Variants in C1QTNF5 observed in about 807,000 individuals in gnomAD.
The protein encoded by C1QTNF5 is C1q and TNF related 5.
In C1QTNF5, 5 loss-of-function variants were observed where a neutral mutation model predicts 10.9. The ratio of observed to expected loss-of-function variants is 0.46; its 90% CI spans 0.24 to 0.97. The LOEUF (loss-of-function observed/expected upper bound fraction) is 0.97, where lower values mean the gene tolerates loss of function less well. Ranked by LOEUF, C1QTNF5 falls within the 50% of genes least tolerant of loss-of-function variation. The pLI, the probability that C1QTNF5 is intolerant of heterozygous loss-of-function variation, is 0.19. For synonymous variants in C1QTNF5, 161 were observed against 156.5 expected (o/e 1.03, Z -0.22); for missense variants, 281 against 339.4 (o/e 0.83, Z 1.35).
chr11:119,343,944 C>T (rs760718997), upstream of C1QTNF5: 34 of 1,613,076 alleles, frequency 2.1e-5, no homozygotes, highest in South Asian at 8.8e-5. Flanking sequence ...CGGCAGGCAC[C>T]GAGATATGCC....
chr11:119,343,103 A>C (rs988896971), upstream of C1QTNF5: 6 of 1,431,682 alleles, frequency 4.2e-6, no homozygotes, highest in Admixed American at 5.9e-5. Context: ...GCCCTGGATG[A>C]TGCCAAAGGT....
chr11:119,345,568 G>A (rs201553042), upstream of C1QTNF5: 160 of 1,613,908 alleles, frequency 9.9e-5, no homozygotes, highest in Non-Finnish European at 1.3e-4. Flanking sequence ...GTGTTGGGGG[G>A]GTAAGGGTCT....
Position 119,340,420 on chromosome 11 carries a change from A to G in C1QTNF5, c.-23T>C. The G allele has an allele frequency of 6.5e-7, 1 of 1,540,140 alleles. No individual in the cohort carries two copies. Among genetic ancestry groups the G allele is most frequent in the South Asian group, 1.2e-5 (1 of 83,682 alleles). On this transcript the variant is annotated 5_prime_UTR_variant, in exon 2 of 3. Coordinates refer to ENST00000528368, the MANE Select transcript of C1QTNF5 (RefSeq NM_001278431.2). ...CATAGCGCTGGCACCGGGAGCCCGGACGCCGGGGTCCTCTCGCAGTCTGTG... is the reference window on the plus strand; with the variant it reads ...CATAGCGCTGGCACCGGGAGCCCGGGCGCCGGGGTCCTCTCGCAGTCTGTG...
upstream of C1QTNF5, chr11:119,344,008 G>A: frequency 1.9e-6 from 3 of 1,607,660 alleles, no homozygotes; most frequent in Non-Finnish European, 2.5e-6. Flanking sequence ...CCCTTCTCCT[G>A]TCTCATCCCG....
chr11:119,344,775 G>T (rs373494153), upstream of C1QTNF5: 20 of 1,613,910 alleles, frequency 1.2e-5, no homozygotes, highest in Non-Finnish European at 1.7e-5. Context: ...TGGGCACCAG[G>T]AGTCAGGGAG....
chr11:119,342,795 T>C, upstream of C1QTNF5: 1 of 1,613,090 alleles, frequency 6.2e-7, no homozygotes, highest in Admixed American at 1.7e-5. Context: ...CAGAGTGTCC[T>C]GACCAGGGTC....
chr11:119,344,955 G>A (rs1486245948), upstream of C1QTNF5: 2 of 1,610,008 alleles, frequency 1.2e-6, no homozygotes, highest in Non-Finnish European at 1.7e-6. Flanking sequence ...ACCACCAGGA[G>A]GTGGCTGGCA....
chr11:119,345,523 G>T, upstream of C1QTNF5: 1 of 1,614,052 alleles, frequency 6.2e-7, no homozygotes. Context: ...TGTATTGCAT[G>T]GTCTGTGGCC....
chr11:119,341,947 G>A (rs369711800), upstream of C1QTNF5: 13 of 1,613,934 alleles, frequency 8.1e-6, no homozygotes, highest in South Asian at 8.8e-5. Flanking sequence ...AGCTCAGACC[G>A]AGGCACATCT....
chr11:119,339,553 C>T lies in C1QTNF5; in HGVS notation c.510G>A (p.Lys170=), dbSNP rs1950474937. The T allele has an allele frequency of 3.7e-6, 6 of 1,613,558 alleles. No homozygotes were observed. The highest frequency in any genetic ancestry group is 5.1e-6 in the Non-Finnish European group (6 of 1,180,048). ...AGAAAGAGGCAATGGATTCGCCATT[C>T]TTCACCAGATCAAACTGCAGGCTGG... ...YRASLQFDLV[K]NGESIASFFQ... Residue 170 remains lysine (K), a synonymous_variant, in exon 3 of 3, where the codon AAG becomes AAA. Coordinates refer to ENST00000528368, the MANE Select transcript of C1QTNF5 (RefSeq NM_001278431.2). The surrounding 1 kb of genome is among the most constrained non-coding windows in gnomAD (Gnocchi z 5.4).
chr11:119,341,298 G>C, upstream of C1QTNF5: 2 of 556,808 alleles, frequency 3.6e-6, no homozygotes, highest in South Asian at 4.6e-5. Flanking sequence ...TGGATGGGAA[G>C]TGGTCTCGAT....
Position 119,340,398 on chromosome 11 carries a change from A to T in C1QTNF5, c.-1T>A. ...GCAGCAGGACGAGGAGTGGCCTCAT[A>T]GCGCTGGCACCGGGAGCCCGGACGC... On this transcript the variant is annotated 5_prime_UTR_variant, in exon 2 of 3. Transcript: ENST00000528368. The T allele has an allele frequency of 6.5e-7, 1 of 1,544,646 alleles. No individual in the cohort carries two copies. Among genetic ancestry groups the T allele is most frequent in the East Asian group, 2.5e-5 (1 of 40,746 alleles).
At chr11:119,344,094 AGG>A, upstream of C1QTNF5, 1 of 1,237,092 alleles carries the variant, frequency 8.1e-7, no homozygotes, top group South Asian at 1.2e-5. Flanking sequence ...GTGGTTCTTA[AGG>A]ACCTTTAATT....
At chr11:119,342,085 A>G (rs1565292833), upstream of C1QTNF5, 4 of 1,451,618 alleles carry the variant, frequency 2.8e-6, no homozygotes, top group South Asian at 3.5e-5. Flanking sequence ...CATGGGTCCA[A>G]TGGGGGTGGT....
upstream of C1QTNF5, chr11:119,344,985 G>T (rs755918659): frequency 1.9e-6 from 3 of 1,606,616 alleles, no homozygotes; most frequent in South Asian, 1.1e-5. Context: ...AGCGTGGGGG[G>T]AGGCACCCTT....
At chr11:119,345,480 ACAC>A, upstream of C1QTNF5, 1 of 1,614,100 alleles carries the variant, frequency 6.2e-7, no homozygotes. Flanking sequence ...GCAAGAGGCC[ACAC>A]TCTCTATGCT....
rs1320266625 is a variant in C1QTNF5, at chr11:119,339,372, G to A, written c.691C>T (p.Leu231=). The A allele has an allele frequency of 2.5e-6, 4 of 1,613,084 alleles. No individual in the cohort carries two copies. In the South Asian group the frequency reaches 4.4e-5, roughly 18 times the overall value. The change falls in exon 3 of 3, where the codon CTG becomes TTG. Residue 231 remains leucine, a synonymous_variant. Coordinates refer to ENST00000528368, the MANE Select transcript of C1QTNF5 (RefSeq NM_001278431.2). The surrounding 1 kb of genome is among the most constrained non-coding windows in gnomAD (Gnocchi z 5.4). ...IKTDSTFSGF[L]VYSDWHSSPV... ...GAGCTGTGCCAGTCGGAGTACACCA[G>A]AAATCCGGAGAAGGTGCTGTCTGTC... is the stretch of plus-strand genomic sequence containing the variant.
chr11:119,344,731 A>G, upstream of C1QTNF5: 1 of 1,614,070 alleles, frequency 6.2e-7, no homozygotes, highest in Non-Finnish European at 8.5e-7. Flanking sequence ...AGCTGGTCAC[A>G]GCGGAACTCA....
At chr11:119,344,703 T>C (rs1303910426), upstream of C1QTNF5, 7 of 1,614,004 alleles carry the variant, frequency 4.3e-6, no homozygotes, top group Admixed American at 8.3e-5. Context: ...ACACACTGAG[T>C]CAGGTAGCAG....
Sources: allele counts gnomAD v4.1 joint callset, GRCh38; gene constraint gnomAD v4.1.1; non-coding constraint Gnocchi (gnomAD v3.1); transcripts MANE v1.5; gene names NCBI Gene and HGNC (gene_info 2026-07-23, HGNC 2026-07-21).